Variants in ADGRB3 observed in about 807,000 individuals in gnomAD.
The protein encoded by ADGRB3 is brain-specific angiogenesis inhibitor 3.
A neutral mutation model predicts 193.4 loss-of-function variants in ADGRB3; 37 were observed. The ratio of observed to expected loss-of-function variants is 0.19; its 90% confidence interval spans 0.15 to 0.25. The LOEUF (loss-of-function observed/expected upper bound fraction) is 0.25. Ranked by LOEUF, ADGRB3 falls within the 10% of genes least tolerant of loss-of-function variation. The probability of loss-of-function intolerance (pLI) is 1.00; values close to 1 mark genes in which losing one functional copy is unlikely to be tolerated. For missense variants in ADGRB3, 1,637 were observed against 1,852.9 expected (o/e 0.88, Z 2.14); for synonymous variants, 690 against 644.2 (o/e 1.07, Z -1.08).
At chr6:69,324,770 G>T (rs1768532834) in intron 20 of ADGRB3, 102 bp from the exon 21 acceptor site, 1 of 1,314,974 alleles carries the variant, frequency 7.6e-7, no homozygotes, top group Non-Finnish European at 1.0e-6. Flanking sequence ...GTAGATATTT[G>T]AAATAAAAGC....
At chr6:68,863,514 A>G (rs1412584512) in intron 3 of ADGRB3, among the ~76,000 whole-genome samples, 1 of 152,084 alleles carries the variant, frequency 6.6e-6, no homozygotes, top group Non-Finnish European at 1.5e-5. Flanking sequence ...ATTATGAATC[A>G]TACTTCTTGA....
rs968258155 is a variant in ADGRB3 at position 69,078,132 on chromosome 6, C to T, written c.2480+2094C>T. Among the ~76,000 whole-genome samples the T allele has an allele frequency of 3.3e-5, 5 of 151,980 alleles. No individual in the cohort carries two copies. In the South Asian group the frequency reaches 8.3e-4, roughly 25 times the overall value. On this transcript the variant is annotated intron_variant, in intron 17 of 31. Coordinates refer to ENST00000370598, the MANE Select transcript of ADGRB3 (RefSeq NM_001704.3). The stretch of plus-strand genomic sequence containing the variant: ...CTGCTACTTCTTTTTATACAGAAAA[C>T]GGCTGTCTTAAATATTTTCAAGATT...
chr6:69,273,437 C>T (rs1767225245), intron 20 of ADGRB3, among the ~76,000 whole-genome samples: 2 of 152,050 alleles, frequency 1.3e-5, no homozygotes, highest in Admixed American at 1.3e-4. Flanking sequence ...AAATCTGGCT[C>T]CAAGTAGATT....
chr6:68,749,781 C>T (rs560592342), intron 3 of ADGRB3, among the ~76,000 whole-genome samples: 1 of 151,966 alleles, frequency 6.6e-6, no homozygotes, highest in African/African-American at 2.4e-5. Flanking sequence ...AAGAGGAAGT[C>T]AAAATAGTCT....
chr6:69,376,990 A>G (rs1313340643), intron 30 of ADGRB3, among the ~76,000 whole-genome samples: 1 of 152,068 alleles, frequency 6.6e-6, no homozygotes, highest in Non-Finnish European at 1.5e-5. Context: ...CATCATATTT[A>G]TTCAAACAGA....
At chr6:68,908,835 A>G (rs905864584) in intron 3 of ADGRB3, among the ~76,000 whole-genome samples, 2 of 152,124 alleles carry the variant, frequency 1.3e-5, no homozygotes, top group African/African-American at 4.8e-5. Context: ...TGTAGTTCAC[A>G]TGGTCTCACC....
intron 17 of ADGRB3, among the ~76,000 whole-genome samples, chr6:69,097,775 G>T (rs1226863783): frequency 6.6e-6 from 1 of 151,964 alleles, no homozygotes; most frequent in East Asian, 1.9e-4. Context: ...AAACACTTTG[G>T]AAGTGATTCC....
chr6:69,328,374 G>A (rs1355328569), intron 22 of ADGRB3, among the ~76,000 whole-genome samples: 2 of 152,074 alleles, frequency 1.3e-5, no homozygotes, highest in Non-Finnish European at 2.9e-5. Context: ...GAAAATACTT[G>A]GACCGTGGAA....
At chr6:68,983,593 A>T (rs1391501594) in intron 10 of ADGRB3, among the ~76,000 whole-genome samples, 2 of 151,846 alleles carry the variant, frequency 1.3e-5, no homozygotes, top group Non-Finnish European at 2.9e-5. Context: ...TCAATCATTT[A>T]TGTATCCATT....
At chr6:68,690,529 G>C (rs1207036132) in intron 3 of ADGRB3, among the ~76,000 whole-genome samples, 3 of 152,058 alleles carry the variant, frequency 2.0e-5, no homozygotes, top group Non-Finnish European at 4.4e-5. Flanking sequence ...TAGATTTACA[G>C]AGAAACTAAG....
rs562834905 is a variant in ADGRB3 at position 69,067,312 on chromosome 6, G to A, written c.2436+4276G>A. On this transcript the variant is annotated intron_variant, in intron 16 of 31. Coordinates refer to ENST00000370598, the MANE Select transcript of ADGRB3 (RefSeq NM_001704.3). ...TTTGTTTTCTTTGCCATATTTGCGT[G>A]CATTCTAATAGCATGAAGCTAACAA... is the stretch of plus-strand genomic sequence containing the variant. 5.3e-5 allele frequency among the ~76,000 whole-genome samples: 8 copies of A among 152,182 alleles called. No homozygotes were observed. The South Asian group carries it at 1.2e-3, about 24-fold the overall frequency.
chr6:69,000,281 A>G lies in ADGRB3; in HGVS notation c.1929+6319A>G, dbSNP rs6906006. Among the ~76,000 whole-genome samples the G allele has an allele frequency of 2.8e-3, 421 of 152,348 alleles. 2 individuals are homozygous for G. The highest frequency in any genetic ancestry group is 9.6e-3 in the African/African-American group (399 of 41,576). On this transcript the variant is annotated intron_variant, in intron 11 of 31. Transcript: ENST00000370598. ...TACAGCAGACACTGAATTAACAAAT[A>G]CTGAACCATTGCTCCAAAGGGAAAT...
At chr6:69,075,607 A>G (rs1455712731) in intron 16 of ADGRB3, among the ~76,000 whole-genome samples, 1 of 152,162 alleles carries the variant, frequency 6.6e-6, no homozygotes, top group East Asian at 1.9e-4. Flanking sequence ...AATATAGGAT[A>G]TTTCACTGTG....
intron 11 of ADGRB3, among the ~76,000 whole-genome samples, chr6:69,000,693 G>A (rs1488403986): frequency 2.0e-5 from 3 of 152,222 alleles, no homozygotes; most frequent in Non-Finnish European, 4.4e-5. Context: ...ACATCATCAT[G>A]TTAGACCTCA....
chr6:68,933,630 G>C (rs1419456433), intron 4 of ADGRB3, among the ~76,000 whole-genome samples: 1 of 152,074 alleles, frequency 6.6e-6, no homozygotes, highest in Non-Finnish European at 1.5e-5. Flanking sequence ...AAAATTAAAA[G>C]TACATTTCTA....
chr6:69,058,322 T>C (rs1771608797), intron 15 of ADGRB3, among the ~76,000 whole-genome samples: 1 of 151,956 alleles, frequency 6.6e-6, no homozygotes, highest in Non-Finnish European at 1.5e-5. Context: ...TATTTGAGTC[T>C]TCTCTCTTTC....
intron 3 of ADGRB3, among the ~76,000 whole-genome samples, chr6:68,864,455 G>A (rs1400772577): frequency 2.0e-5 from 3 of 152,168 alleles, no homozygotes; most frequent in Admixed American, 6.5e-5. Flanking sequence ...TAGTCTTAAA[G>A]GAAGAAGTGT....
chr6:69,125,090 T>C (rs1441473305), intron 17 of ADGRB3, among the ~76,000 whole-genome samples: 1 of 152,180 alleles, frequency 6.6e-6, no homozygotes, highest in Non-Finnish European at 1.5e-5. Context: ...ACAAGCAGGC[T>C]TCCTCTTAGG....
At chr6:68,995,730 T>G (rs996021090) in intron 11 of ADGRB3, among the ~76,000 whole-genome samples, 1 of 152,182 alleles carries the variant, frequency 6.6e-6, no homozygotes, top group African/African-American at 2.4e-5. Flanking sequence ...TTAACTTTAC[T>G]GTTGTCTTTT....
Sources: gnomAD v4.1 joint callset for allele counts (sites outside exome capture counted in the v4.1 genomes callset) on GRCh38, gnomAD v4.1.1 for gene constraint, MANE v1.5 for transcripts, NCBI Gene and HGNC (gene_info 2026-07-23, HGNC 2026-07-21) for gene names.